The following MAPKAPK3 variants were observed in gnomAD, a reference collection of about 807,000 sequenced individuals.
MAPKAPK3 encodes the protein MAP kinase-activated protein kinase 3.
MAPKAPK3 carries 35 observed loss-of-function variants against 49.2 expected under a neutral mutation model. The ratio of observed to expected loss-of-function variants is 0.71; its 90% confidence interval spans 0.54 to 0.94. The LOEUF (loss-of-function observed/expected upper bound fraction) is 0.94. Ranked by LOEUF, MAPKAPK3 falls within the 40% of genes least tolerant of loss-of-function variation. The pLI is 0.00. For missense variants in MAPKAPK3, 398 were observed against 493.1 expected (o/e 0.81, Z 1.83); for synonymous variants, 178 against 188.7 (o/e 0.94, Z 0.46).
At position 50,630,602 on chromosome 3, in the gene MAPKAPK3, C is replaced by T. The variant is rs559227389; in HGVS notation, c.220-9764C>T. Reference sequence around the variant, plus strand: ...CATCTGCCATTGTTGTAACAGCCACCGAGTAGCAGGGCCTGGTCCAGACCA... The same window carrying T: ...CATCTGCCATTGTTGTAACAGCCACTGAGTAGCAGGGCCTGGTCCAGACCA... On this transcript the variant is annotated intron_variant, in intron 2 of 10. Transcript: ENST00000621469. Among the ~76,000 whole-genome samples the T allele has an allele frequency of 3.3e-5, 5 of 152,332 alleles. No homozygotes were observed. The East Asian group carries it at 7.7e-4, about 24-fold the overall frequency.
intron 2 of MAPKAPK3, among the ~76,000 whole-genome samples, chr3:50,633,742 C>G (rs1168478640): frequency 1.3e-5 from 2 of 152,238 alleles, no homozygotes; most frequent in Non-Finnish European, 2.9e-5. Context: ...CTAATGGTTC[C>G]CACCCTGCTT....
upstream of MAPKAPK3, chr3:50,611,599 T>A: frequency 6.6e-7 from 1 of 1,522,746 alleles, no homozygotes; most frequent in Non-Finnish European, 8.8e-7. Flanking sequence ...CCCCTCGTGG[T>A]GGCCGGGAAG....
intron 9 of MAPKAPK3, 73 bp downstream of exon 9, chr3:50,646,898 C>G (rs1187964417): frequency 5.3e-6 from 8 of 1,495,504 alleles, no homozygotes; most frequent in Non-Finnish European, 7.4e-6. Flanking sequence ...AGGGTGGTGG[C>G]TCTGCTTTGA....
At chr3:50,620,329 C>G (rs151078577) in intron 2 of MAPKAPK3, among the ~76,000 whole-genome samples, 37 of 152,032 alleles carry the variant, frequency 2.4e-4, no homozygotes, top group Admixed American at 2.4e-3. Flanking sequence ...GCCCTCTCCC[C>G]GCAGTTGCCC....
At chr3:50,611,788 G>A (rs2032336573), upstream of MAPKAPK3, 4 of 1,201,952 alleles carry the variant, frequency 3.3e-6, no homozygotes, top group Non-Finnish European at 4.3e-6. Context: ...AGGCAGTGGC[G>A]CGGACCGCCT....
At chr3:50,615,401 A>G (rs2032442466), upstream of MAPKAPK3, among the ~76,000 whole-genome samples, 1 of 152,232 alleles carries the variant, frequency 6.6e-6, no homozygotes, top group African/African-American at 2.4e-5. Flanking sequence ...GTGTGTGCAC[A>G]TGTGTAAAGG....
At chr3:50,640,811 G>T (rs1036850166) in intron 3 of MAPKAPK3, among the ~76,000 whole-genome samples, 1 of 152,234 alleles carries the variant, frequency 6.6e-6, no homozygotes, top group Admixed American at 6.5e-5. Flanking sequence ...CCTGAATATG[G>T]ATGGATGGGG....
At chr3:50,634,447 G>C (rs1239816908) in intron 2 of MAPKAPK3, among the ~76,000 whole-genome samples, 2 of 151,914 alleles carry the variant, frequency 1.3e-5, no homozygotes, top group African/African-American at 4.8e-5. Context: ...AGGCAAGGGT[G>C]GGGGCCCGTT....
At chr3:50,627,184 C>CAAA (rs144747460) in intron 2 of MAPKAPK3, among the ~76,000 whole-genome samples, 1 of 91,322 alleles carries the variant, frequency 1.1e-5, no homozygotes, top group Non-Finnish European at 2.2e-5. Context: ...AACTCCATCT[C>CAAA]AAAAAAAAAA....
chr3:50,617,244 A>G lies in MAPKAPK3; in HGVS notation c.-53+3A>G, dbSNP rs1431637307. On this transcript the variant is annotated splice_donor_region_variant and intron_variant, in intron 1 of 10. Transcript: ENST00000621469. ...TCAGCAAGGTGCGTTGCCGCCAGGT[A>G]CGCCCTCGCTGGGCCCCCTCTGCGG... The G allele has an allele frequency of 8.4e-6, 2 of 237,270 alleles. No individual in the cohort carries two copies. The highest frequency in any genetic ancestry group is 2.3e-5 in the African/African-American group (1 of 44,186). The allele number at this position is 237,270 out of a possible 1,614,324, so 14.7% of individuals were successfully genotyped here.
At chr3:50,623,624 C>T (rs1056677558) in intron 2 of MAPKAPK3, among the ~76,000 whole-genome samples, 1 of 152,210 alleles carries the variant, frequency 6.6e-6, no homozygotes, top group Non-Finnish European at 1.5e-5. Context: ...CAACAAGGCA[C>T]AGAATGAGTT....
rs114494053 is a variant in MAPKAPK3 at position 50,646,320 on chromosome 3, T to C, written c.829+56T>C. The C allele has an allele frequency of 3.3e-3, 5,367 of 1,608,034 alleles. 155 individuals carry two copies. The African/African-American group carries it at 0.057, about 17-fold the overall frequency. ...CACCTGGCCCCTGCGGCTTTCATTCTGGGAAACATCACTTTGGTGTCAAAC... is the reference window on the plus strand; with the variant it reads ...CACCTGGCCCCTGCGGCTTTCATTCCGGGAAACATCACTTTGGTGTCAAAC... On this transcript the variant is annotated intron_variant, in intron 8 of 10. Transcript: ENST00000621469.
At chr3:50,641,029 G>A (rs2033166721) in intron 3 of MAPKAPK3, among the ~76,000 whole-genome samples, 1 of 152,142 alleles carries the variant, frequency 6.6e-6, no homozygotes, top group African/African-American at 2.4e-5. Flanking sequence ...CAGATTTGGG[G>A]TTCAGATCCT....
Position 50,647,999 on chromosome 3 carries a change from A to ATT in MAPKAPK3, c.1102_1103insTT (p.Lys368IlefsTer98), listed in dbSNP as rs1420890879. On this transcript the variant is annotated frameshift_variant, in exon 11 of 11. Coordinates refer to ENST00000621469, the MANE Select transcript of MAPKAPK3 (RefSeq NM_001243925.2). LOFTEE classifies it high-confidence loss of function. ...CCGGCTCCTCAACAAGAGGAGAAAA[A>ATT]AGCAGGCAGGCAGCTCCTCTGCCTC... 1.2e-5 allele frequency: 19 copies of ATT among 1,613,780 alleles called. No individual in the cohort carries two copies. Among genetic ancestry groups the ATT allele is most frequent in the Non-Finnish European group, 1.6e-5 (19 of 1,180,014 alleles).
chr3:50,613,996 C>T (rs541670482), upstream of MAPKAPK3: 13 of 152,358 alleles, frequency 8.5e-5, no homozygotes, highest in Admixed American at 2.0e-4. Flanking sequence ...CCATGGGTGT[C>T]CCTTTGAAAG....
At position 50,645,805 on chromosome 3, in the gene MAPKAPK3, C is replaced by A. The variant is rs199597038; in HGVS notation, c.704+20C>A. On this transcript the variant is annotated intron_variant, in intron 7 of 10. Transcript: ENST00000621469. ...CATCCTGTGAGTACCTTCCCCACCCCCTGCCTCCATCTCCTGCCCTTACCC... is the reference window on the plus strand; with the variant it reads ...CATCCTGTGAGTACCTTCCCCACCCACTGCCTCCATCTCCTGCCCTTACCC... 1.5e-3 allele frequency: 2,463 copies of A among 1,611,474 alleles called. 13 individuals are homozygous for A. The highest frequency in any genetic ancestry group is 1.6e-3 in the Non-Finnish European group (1,914 of 1,177,786).
At chr3:50,642,158 G>C in intron 4 of MAPKAPK3, 95 bp from the exon 5 acceptor site, 1 of 827,570 alleles carries the variant, frequency 1.2e-6, no homozygotes, top group Non-Finnish European at 2.1e-6. Flanking sequence ...TTCTTGTCTT[G>C]TGCTGGCCTG....
At chr3:50,646,606 C>CT in intron 8 of MAPKAPK3, 134 bp from the exon 9 acceptor site, 1 of 778,272 alleles carries the variant, frequency 1.3e-6, no homozygotes, top group Non-Finnish European at 2.2e-6. Flanking sequence ...TAGTTGTTAG[C>CT]TCACTCTTTC....
chr3:50,621,658 T>C (rs958737413), intron 2 of MAPKAPK3, among the ~76,000 whole-genome samples: 2 of 149,160 alleles, frequency 1.3e-5, no homozygotes, highest in Non-Finnish European at 3.0e-5. Flanking sequence ...TAGTTCCAGC[T>C]ACTCAAGAGG....
Sources: gnomAD v4.1 joint callset for allele counts (sites outside exome capture counted in the v4.1 genomes callset) on GRCh38, gnomAD v4.1.1 for gene constraint, MANE v1.5 for transcripts, NCBI Gene and HGNC (gene_info 2026-07-23, HGNC 2026-07-21) for gene names.